The following MCTP1 variants were observed in gnomAD, a reference collection of about 807,000 sequenced individuals.
MCTP1 encodes multiple C2 and transmembrane domain containing 1.
A neutral mutation model predicts 120.6 loss-of-function variants in MCTP1; 69 were observed. The observed-to-expected ratio is 0.57, with a 90% CI of 0.47 to 0.70. The LOEUF (loss-of-function observed/expected upper bound fraction) is 0.70, where lower values mean the gene tolerates loss of function less well. Among genes scored for constraint, MCTP1 ranks in the 30% least tolerant of loss-of-function variants. The probability of loss-of-function intolerance (pLI) is 0.00; values close to 1 mark genes in which losing one functional copy is unlikely to be tolerated. For synonymous variants in MCTP1, 529 were observed against 493.1 expected, an observed-to-expected ratio of 1.07 and a Z score of -0.96; for missense variants, 1,203 against 1,248.8, an observed-to-expected ratio of 0.96 and a Z score of 0.55.
chr5:95,014,683 T>A (rs1280817893), intron 2 of MCTP1, among the ~76,000 whole-genome samples: 1 of 152,182 alleles, frequency 6.6e-6, no homozygotes, highest in Non-Finnish European at 1.5e-5. Flanking sequence ...TAAATTATTT[T>A]TCTCTATTTT....
At chr5:94,880,721 G>A (rs766675549) in intron 12 of MCTP1, among the ~76,000 whole-genome samples, 15 of 152,216 alleles carry the variant, frequency 9.9e-5, no homozygotes, top group South Asian at 2.1e-4. Flanking sequence ...GCTCTGCTTC[G>A]AAAGTTTTAG....
At chr5:94,938,179 T>G (rs1448433016) in intron 5 of MCTP1, among the ~76,000 whole-genome samples, 1 of 152,018 alleles carries the variant, frequency 6.6e-6, no homozygotes, top group Non-Finnish European at 1.5e-5. Context: ...ACAGAGGTAT[T>G]TTCAAAAGGC....
Position 94,718,773 on chromosome 5 carries a change from G to A in MCTP1, c.2611-3887C>T, listed in dbSNP as rs306579. ...TCGCTCTTATTGCCCAGGCTGCAGCGCGATGGTGCAGTCTTGGCTCACTGC... is the reference window on the plus strand; with the variant it reads ...TCGCTCTTATTGCCCAGGCTGCAGCACGATGGTGCAGTCTTGGCTCACTGC... On this transcript the variant is annotated intron_variant, in intron 19 of 22. Transcript: ENST00000515393. 4.1e-3 allele frequency among the ~76,000 whole-genome samples: 627 copies of A among 152,210 alleles called. 2 individuals are homozygous for A. Among genetic ancestry groups the A allele is most frequent in the African/African-American group, 0.013 (527 of 41,502 alleles).
intron 1 of MCTP1, among the ~76,000 whole-genome samples, chr5:95,217,746 A>G (rs927865332): frequency 1.3e-5 from 2 of 152,172 alleles, no homozygotes; most frequent in East Asian, 3.8e-4. Flanking sequence ...TATTAATAAA[A>G]TACATATATT....
intron 2 of MCTP1, among the ~76,000 whole-genome samples, chr5:95,006,885 A>T (rs1834872318): frequency 1.3e-5 from 2 of 152,154 alleles, no homozygotes; most frequent in African/African-American, 4.8e-5. Flanking sequence ...GGGTACTATT[A>T]ACAATTATGT....
chr5:95,190,232 A>G (rs1485599101), intron 1 of MCTP1, among the ~76,000 whole-genome samples: 6 of 152,152 alleles, frequency 3.9e-5, no homozygotes, highest in Admixed American at 3.9e-4. Flanking sequence ...TGCCATGGAA[A>G]TTCTGATGTC....
At chr5:95,093,532 A>C (rs1225615093) in intron 1 of MCTP1, among the ~76,000 whole-genome samples, 1 of 152,132 alleles carries the variant, frequency 6.6e-6, no homozygotes, top group Non-Finnish European at 1.5e-5. Context: ...TGAGGAGTCT[A>C]AACTTCATTT....
chr5:95,034,749 A>T (rs1840943085), intron 1 of MCTP1, among the ~76,000 whole-genome samples: 1 of 152,116 alleles, frequency 6.6e-6, no homozygotes, highest in South Asian at 2.1e-4. Flanking sequence ...GAGCTTCTGT[A>T]CGGCAAAAGA....
chr5:95,172,135 C>G (rs546847431), intron 1 of MCTP1, among the ~76,000 whole-genome samples: 1 of 152,334 alleles, frequency 6.6e-6, no homozygotes, highest in South Asian at 2.1e-4. Flanking sequence ...ACAGTCAGGA[C>G]CCTCAGCTGC....
chr5:95,266,213 G>A (rs931262248), intron 1 of MCTP1, among the ~76,000 whole-genome samples: 1 of 152,142 alleles, frequency 6.6e-6, no homozygotes, highest in Non-Finnish European at 1.5e-5. Context: ...TAAATATGCA[G>A]GCCATGGTTG....
At chr5:94,821,740 T>C (rs1326911064) in intron 17 of MCTP1, among the ~76,000 whole-genome samples, 5 of 152,126 alleles carry the variant, frequency 3.3e-5, no homozygotes, top group Non-Finnish European at 7.4e-5. Flanking sequence ...CACACTCAAG[T>C]CCTGCAATTG....
At chr5:94,782,248 T>C (rs796554996) in intron 18 of MCTP1, among the ~76,000 whole-genome samples, 12 of 152,312 alleles carry the variant, frequency 7.9e-5, no homozygotes, top group African/African-American at 2.9e-4. Flanking sequence ...GGAAATTAAA[T>C]AATATATTTT....
chr5:95,235,891 C>T (rs903976195), intron 1 of MCTP1, among the ~76,000 whole-genome samples: 12 of 152,118 alleles, frequency 7.9e-5, no homozygotes, highest in African/African-American at 2.7e-4. Context: ...CTACTTCTGA[C>T]TACAGTACTG....
intron 7 of MCTP1, among the ~76,000 whole-genome samples, chr5:94,918,416 A>T (rs1810691450): frequency 6.6e-6 from 1 of 152,232 alleles, no homozygotes; most frequent in Non-Finnish European, 1.5e-5. Context: ...GATCATATTA[A>T]CCTTGCATCC....
chr5:95,074,352 C>T (rs756153284), intron 1 of MCTP1, among the ~76,000 whole-genome samples: 29 of 152,282 alleles, frequency 1.9e-4, no homozygotes, highest in Non-Finnish European at 3.2e-4. Context: ...GGTGTGGCCA[C>T]CCAACTTCTG....
In MCTP1 at chr5:94,733,827, G is replaced by C. The variant is rs748448808; in HGVS notation, c.2611-18941C>G. Among the ~76,000 whole-genome samples, 27 of 152,078 alleles carry C rather than the reference G, an allele frequency of 1.8e-4. 1 individual carries two copies. The highest frequency in any genetic ancestry group is 3.4e-4 in the Non-Finnish European group (23 of 67,986). ...AAAAATACAAAAATTAGCCGGGCGT[G>C]GTGGCGGGCACCTGTAGTCCCAGCT... On this transcript the variant is annotated intron_variant, in intron 19 of 22. Transcript: ENST00000515393.
intron 1 of MCTP1, among the ~76,000 whole-genome samples, chr5:95,273,704 T>C (rs1349580329): frequency 2.6e-5 from 4 of 152,124 alleles, no homozygotes. Flanking sequence ...AGTACATAGG[T>C]GACAATCTGA....
intron 10 of MCTP1, among the ~76,000 whole-genome samples, chr5:94,905,427 C>T (rs1033950731): frequency 3.3e-5 from 5 of 152,106 alleles, no homozygotes; most frequent in African/African-American, 9.7e-5. Context: ...TAATTGGAAA[C>T]AGACTGTTGT....
At chr5:95,188,929 A>G (rs1749531733) in intron 1 of MCTP1, among the ~76,000 whole-genome samples, 1 of 152,192 alleles carries the variant, frequency 6.6e-6, no homozygotes, top group East Asian at 1.9e-4. Flanking sequence ...ACTACTGGAG[A>G]AAACTGAATA....
Sources: allele counts gnomAD v4.1 joint callset (sites outside exome capture counted in the v4.1 genomes callset), GRCh38; gene constraint gnomAD v4.1.1; transcripts MANE v1.5; gene names NCBI Gene and HGNC (gene_info 2026-07-23, HGNC 2026-07-21).